BRIP1: variants seen among roughly 807,000 people sequenced by gnomAD.
BRIP1 encodes Fanconi anemia group J protein.
Under a neutral mutation model 119.7 loss-of-function variants are expected in BRIP1, and 88 were observed. The ratio of observed to expected loss-of-function variants is 0.74; its 90% confidence interval spans 0.62 to 0.88. The LOEUF is 0.88. BRIP1 is among the 40% of genes least tolerant of loss of function. The pLI, the probability that BRIP1 is intolerant of heterozygous loss-of-function variation, is 0.00. For missense variants in BRIP1, 1,259 were observed against 1,455.4 expected (o/e 0.87, Z 2.20); for synonymous variants, 443 against 496.5 (o/e 0.89, Z 1.43).
At chr17:61,821,079 T>A (rs2078315880) in intron 6 of BRIP1, among the ~76,000 whole-genome samples, 1 of 152,168 alleles carries the variant, frequency 6.6e-6, no homozygotes, top group Non-Finnish European at 1.5e-5. Flanking sequence ...TTCCATTGGT[T>A]ATTTTGTTGC....
Position 61,748,423 on chromosome 17 carries a change from C to T in BRIP1, c.2098-3832G>A, listed in dbSNP as rs111693759. On this transcript the variant is annotated intron_variant, in intron 14 of 19. Transcript: ENST00000259008. This position sits in a 1 kb window ranked among gnomAD's most constrained non-coding sequence, Gnocchi z 4.7. Reference sequence around the variant, plus strand: ...TAATACAAATGTAGATTCAATGTAACTCCTATCAAAATCCCAATGACATTT... The same window carrying T: ...TAATACAAATGTAGATTCAATGTAATTCCTATCAAAATCCCAATGACATTT... Among the ~76,000 whole-genome samples, 1,731 of 152,246 alleles carry T rather than the reference C, an allele frequency of 0.011. 37 individuals carry two copies. Among genetic ancestry groups the T allele is most frequent in the African/African-American group, 0.039 (1,617 of 41,536 alleles).
At chr17:61,721,451 A>C (rs1310813737) in intron 16 of BRIP1, among the ~76,000 whole-genome samples, 1 of 150,982 alleles carries the variant, frequency 6.6e-6, no homozygotes, top group Non-Finnish European at 1.5e-5. Flanking sequence ...TTGTATTTTT[A>C]GTAGAGACAA....
chr17:61,746,784 C>T lies in BRIP1; in HGVS notation c.2098-2193G>A, dbSNP rs2077063701. Among the ~76,000 whole-genome samples, 1 of 151,972 alleles carries T rather than the reference C, an allele frequency of 6.6e-6. No individual in the cohort carries two copies. Among genetic ancestry groups the T allele is most frequent in the Admixed American group, 6.6e-5 (1 of 15,256 alleles). On this transcript the variant is annotated intron_variant, in intron 14 of 19. Transcript: ENST00000259008. This position sits in a 1 kb window ranked among gnomAD's most constrained non-coding sequence, Gnocchi z 4.9. ...TAACCTTCAGTAATGAATAAAACAT[C>T]CAAACAGAAGATCAACAAGGAAACG...
intron 16 of BRIP1, among the ~76,000 whole-genome samples, chr17:61,737,636 G>C (rs901061683): frequency 2.0e-5 from 3 of 152,090 alleles, no homozygotes; most frequent in African/African-American, 4.8e-5. Flanking sequence ...AAAATGTTAA[G>C]AAATCACCCA....
rs1463009830 is a variant in BRIP1 at position 61,853,443 on chromosome 17, C to A, written c.379+3615G>T. Among the ~76,000 whole-genome samples the A allele has an allele frequency of 6.6e-6, 1 of 151,656 alleles. No homozygotes were observed. The highest frequency in any genetic ancestry group is 1.5e-5 in the Non-Finnish European group (1 of 67,968). ...CAGTGAAAATTCATCAAGTTATATA[C>A]TTAGGATTTGCATTTTTCTATATTT... On this transcript the variant is annotated intron_variant, in intron 4 of 19. Coordinates refer to ENST00000259008, the MANE Select transcript of BRIP1 (RefSeq NM_032043.3). The surrounding 1 kb of genome is among the most constrained non-coding windows in gnomAD (Gnocchi z 4.3).
chr17:61,820,832 C>T (rs2078309483), intron 6 of BRIP1, among the ~76,000 whole-genome samples: 1 of 152,014 alleles, frequency 6.6e-6, no homozygotes, highest in South Asian at 2.1e-4. Flanking sequence ...CACCTGTAAT[C>T]CCAACTACTC....
At position 61,810,109 on chromosome 17, in the gene BRIP1, T is replaced by C. The variant is rs1462427263; in HGVS notation, c.628-1352A>G. ...AAAGCAGATAAAGTTACAGCCATGC[T>C]GGAATTGTTACATTCTCCTCTCAGG... On this transcript the variant is annotated intron_variant, in intron 6 of 19. Coordinates refer to ENST00000259008, the MANE Select transcript of BRIP1 (RefSeq NM_032043.3). The surrounding 1 kb of genome is among the most constrained non-coding windows in gnomAD (Gnocchi z 4.7). Among the ~76,000 whole-genome samples the C allele has an allele frequency of 6.6e-6, 1 of 152,262 alleles. No individual in the cohort carries two copies. Among genetic ancestry groups the C allele is most frequent in the African/African-American group, 2.4e-5 (1 of 41,474 alleles).
chr17:61,779,508 T>A (rs1214209398), intron 13 of BRIP1, among the ~76,000 whole-genome samples: 1 of 151,974 alleles, frequency 6.6e-6, no homozygotes, highest in African/African-American at 2.4e-5. Flanking sequence ...TAATCCCAGC[T>A]ACTCAGAAGG....
chr17:61,725,264 G>T lies in BRIP1; in HGVS notation c.2380-9201C>A, dbSNP rs2144511683. Reference sequence around the variant, plus strand: ...AGCACATTAGAAATGGTTTTTAGTTGTTACTTACTTTCCCTGTTACGTTAC... The same window carrying T: ...AGCACATTAGAAATGGTTTTTAGTTTTTACTTACTTTCCCTGTTACGTTAC... On this transcript the variant is annotated intron_variant, in intron 16 of 19. Coordinates refer to ENST00000259008, the MANE Select transcript of BRIP1 (RefSeq NM_032043.3). The surrounding 1 kb of genome is among the most constrained non-coding windows in gnomAD (Gnocchi z 5.3). Among the ~76,000 whole-genome samples, 1 of 152,136 alleles carries T rather than the reference G, an allele frequency of 6.6e-6. No individual in the cohort carries two copies. The highest frequency in any genetic ancestry group is 2.4e-5 in the African/African-American group (1 of 41,506).
rs1220470693 is a variant in BRIP1 at position 61,681,236 on chromosome 17, G to A, written c.*2060C>T. 5.0e-6 allele frequency: 1 copy of A among 201,510 alleles called. No individual in the cohort carries two copies. Among genetic ancestry groups the A allele is most frequent in the South Asian group, 1.9e-4 (1 of 5,236 alleles). 12.5% of individuals were successfully genotyped at this position (201,510 alleles called of 1,614,324 possible). A position where few individuals can be genotyped will look rare whatever the true frequency, so the allele number is the denominator to read the frequency against. On this transcript the variant is annotated 3_prime_UTR_variant, in exon 20 of 20. Transcript: ENST00000259008. The surrounding 1 kb of genome is among the most constrained non-coding windows in gnomAD (Gnocchi z 5.1). ...GACATAGCCAAACCACGTCACCATC[G>A]TTCCCTAAATGTAAATGAGTAAGAG...
rs143446620 is a variant in BRIP1, at chr17:61,764,360, C to T, written c.2097+12041G>A. 2.3e-3 allele frequency among the ~76,000 whole-genome samples: 350 copies of T among 152,346 alleles called. 1 individual carries two copies. The highest frequency in any genetic ancestry group is 0.017 in the Middle Eastern group (5 of 294). The stretch of plus-strand genomic sequence containing the variant: ...TATTCACATGTTAACCTACCCTCAA[C>T]TCTCTCCCCTTGCCTCCCACTGTGT... On this transcript the variant is annotated intron_variant, in intron 14 of 19. Coordinates refer to ENST00000259008, the MANE Select transcript of BRIP1 (RefSeq NM_032043.3).
intron 6 of BRIP1, among the ~76,000 whole-genome samples, chr17:61,836,414 C>T (rs952658663): frequency 5.9e-5 from 9 of 152,062 alleles, no homozygotes; most frequent in Non-Finnish European, 1.2e-4. Context: ...TCATGCCTGG[C>T]CAAAAACTAT....
rs2144673060 is a variant in BRIP1 at position 61,742,940 on chromosome 17, G to A, written c.2379+73C>T. ...TAAAAGCAAAGCGCAATAAAATGAG[G>A]GATCCCTGCAATTAACTTTATACAA... On this transcript the variant is annotated intron_variant, in intron 16 of 19. Coordinates refer to ENST00000259008, the MANE Select transcript of BRIP1 (RefSeq NM_032043.3). The surrounding 1 kb of genome is among the most constrained non-coding windows in gnomAD (Gnocchi z 4.7). 6.4e-7 allele frequency: 1 copy of A among 1,568,602 alleles called. No homozygotes were observed. The highest frequency in any genetic ancestry group is 1.4e-5 in the African/African-American group (1 of 73,862).
Position 61,683,753 on chromosome 17 carries a change from G to A in BRIP1, c.3293C>T (p.Ala1098Val), listed in dbSNP as rs1361161166. ...HSEHPLCSEEALDPDIELSLV... is the reference protein window; with the variant it reads ...HSEHPLCSEEVLDPDIELSLV... ...AGACAATTCAATGTCTGGATCCAGG[G>A]CTTCTTCAGAACAGAGCGGATGTTC... is the stretch of plus-strand genomic sequence containing the variant. The change falls in exon 20 of 20, where the codon GCC becomes GTC. Residue 1098 changes from alanine (A) to valine (V), a missense_variant. Physicochemically the swap from Ala to Val is moderately conservative, Grantham distance 64 (BLOSUM62 0). Coordinates refer to ENST00000259008, the MANE Select transcript of BRIP1 (RefSeq NM_032043.3). This position sits in a 1 kb window ranked among gnomAD's most constrained non-coding sequence, Gnocchi z 4.7. 6.2e-7 allele frequency: 1 copy of A among 1,614,106 alleles called. No homozygotes were observed. Among genetic ancestry groups the A allele is most frequent in the Non-Finnish European group, 8.5e-7 (1 of 1,180,014 alleles).
Position 61,722,662 on chromosome 17 carries a change from G to A in BRIP1, c.2380-6599C>T, listed in dbSNP as rs917849977. ...ACCATGGACAGACTGATACATTATAGTGGTCACTGTTCCGAAGACAACAGT... is the reference window on the plus strand; with the variant it reads ...ACCATGGACAGACTGATACATTATAATGGTCACTGTTCCGAAGACAACAGT... On this transcript the variant is annotated intron_variant, in intron 16 of 19. Transcript: ENST00000259008. This position sits in a 1 kb window ranked among gnomAD's most constrained non-coding sequence, Gnocchi z 4.6. Among the ~76,000 whole-genome samples the A allele has an allele frequency of 1.3e-5, 2 of 152,122 alleles. No individual in the cohort carries two copies. Among genetic ancestry groups the A allele is most frequent in the Non-Finnish European group, 2.9e-5 (2 of 68,010 alleles).
intron 6 of BRIP1, among the ~76,000 whole-genome samples, chr17:61,821,427 G>C (rs1257574384): frequency 6.6e-6 from 1 of 152,058 alleles, no homozygotes; most frequent in Non-Finnish European, 1.5e-5. Context: ...TCAGTTTTAG[G>C]AAGTCAGTGT....
rs541470292 is a variant in BRIP1, at chr17:61,732,637, TA to T, written c.2379+10375del. The stretch of plus-strand genomic sequence containing the variant: ...CTGCATTTTGTACAAATTAAGCTCT[TA>T]AAAAAAGTTTGTTAAATGAATGAAT... On this transcript the variant is annotated intron_variant, in intron 16 of 19. Transcript: ENST00000259008. Among the ~76,000 whole-genome samples, 653 of 152,234 alleles carry T rather than the reference TA, an allele frequency of 4.3e-3. 3 individuals are homozygous for T. Among genetic ancestry groups the T allele is most frequent in the African/African-American group, 0.015 (615 of 41,532 alleles).
intron 4 of BRIP1, among the ~76,000 whole-genome samples, chr17:61,850,542 T>C (rs2078804042): frequency 6.6e-6 from 1 of 152,088 alleles, no homozygotes; most frequent in Non-Finnish European, 1.5e-5. Flanking sequence ...AAACACAAAT[T>C]TGAGGCCGGC....
At chr17:61,800,401 CCA>C (rs1297927114) in intron 8 of BRIP1, among the ~76,000 whole-genome samples, 1 of 151,976 alleles carries the variant, frequency 6.6e-6, no homozygotes, top group Admixed American at 6.6e-5. Flanking sequence ...ACAGGGCATT[CCA>C]AAGAGGTGTC....
Sources: gnomAD v4.1 joint callset for allele counts (sites outside exome capture counted in the v4.1 genomes callset) on GRCh38, gnomAD v4.1.1 for gene constraint, Gnocchi (gnomAD v3.1) non-coding constraint, MANE v1.5 for transcripts, NCBI Gene and HGNC (gene_info 2026-07-23, HGNC 2026-07-21) for gene names.